The following LMOD1 variants were observed in gnomAD, a reference collection of about 807,000 sequenced individuals.
LMOD1 encodes the protein leiomodin-1.
Under a neutral mutation model 36.5 loss-of-function variants are expected in LMOD1, and 8 were observed. The ratio of observed to expected loss-of-function variants is 0.22; its 90% confidence interval spans 0.13 to 0.40. The LOEUF (loss-of-function observed/expected upper bound fraction) is 0.40, where lower values mean the gene tolerates loss of function less well. Ranked by LOEUF, LMOD1 falls within the 10% of genes least tolerant of loss-of-function variation. The pLI is 1.00. For synonymous variants in LMOD1, 284 were observed against 288.7 expected, an observed-to-expected ratio of 0.98 and a Z score of 0.17; for missense variants, 630 against 751.1, an observed-to-expected ratio of 0.84 and a Z score of 1.88.
At chr1:201,922,146 TATAA>T (rs1259263023) in intron 1 of LMOD1, among the ~76,000 whole-genome samples, 1 of 152,156 alleles carries the variant, frequency 6.6e-6, no homozygotes, top group Admixed American at 6.5e-5. Context: ...GCTGGTAAGA[TATAA>T]ATAGTGCAAC....
intron 1 of LMOD1, among the ~76,000 whole-genome samples, chr1:201,945,507 A>T (rs1682195456): frequency 6.6e-6 from 1 of 152,216 alleles, no homozygotes. Context: ...TCAGGTCTTT[A>T]AGCCACATTT....
At chr1:201,932,150 A>G (rs1226705728) in intron 1 of LMOD1, among the ~76,000 whole-genome samples, 1 of 152,212 alleles carries the variant, frequency 6.6e-6, no homozygotes, top group Non-Finnish European at 1.5e-5. Context: ...ATGAGAATTG[A>G]GGATAATGTT....
At chr1:201,909,587 G>A (rs978218309) in intron 1 of LMOD1, among the ~76,000 whole-genome samples, 8 of 150,380 alleles carry the variant, frequency 5.3e-5, no homozygotes, top group African/African-American at 1.9e-4. Context: ...ATCCCTGGTC[G>A]CCAGTCCACC....
chr1:201,912,079 G>A (rs1026254207), intron 1 of LMOD1, among the ~76,000 whole-genome samples: 14 of 152,210 alleles, frequency 9.2e-5, no homozygotes, highest in African/African-American at 3.4e-4. Context: ...ACAGAGCCAG[G>A]AGGTTGCACC....
intron 1 of LMOD1, among the ~76,000 whole-genome samples, chr1:201,904,803 A>C (rs1267382513): frequency 6.6e-6 from 1 of 152,218 alleles, no homozygotes; most frequent in Non-Finnish European, 1.5e-5. Context: ...TGAGCACTCA[A>C]ACGTTGCCTT....
At chr1:201,926,227 C>A (rs1681824119) in intron 1 of LMOD1, among the ~76,000 whole-genome samples, 1 of 152,140 alleles carries the variant, frequency 6.6e-6, no homozygotes, top group Non-Finnish European at 1.5e-5. Context: ...TTTCTCTGGG[C>A]TATGGAGTGT....
intron 1 of LMOD1, among the ~76,000 whole-genome samples, chr1:201,908,977 A>G (rs1681451544): frequency 6.6e-6 from 1 of 152,220 alleles, no homozygotes; most frequent in African/African-American, 2.4e-5. Flanking sequence ...TTGTGCTCTC[A>G]TTCCGCAGAA....
Position 201,901,514 on chromosome 1 carries a change from AT to A in LMOD1, c.262-764del, listed in dbSNP as rs1558234562. 1.2e-3 allele frequency among the ~76,000 whole-genome samples: 45 copies of A among 38,854 alleles called. 4 individuals carry two copies. The highest frequency in any genetic ancestry group is 4.1e-3 in the Admixed American group (13 of 3,152). The allele number at this position is 38,854 out of a possible 152,430, so 25.5% of individuals were successfully genotyped here. On this transcript the variant is annotated intron_variant, in intron 1 of 2. Coordinates refer to ENST00000367288, the MANE Select transcript of LMOD1 (RefSeq NM_012134.3). ...CGAAACTCTGTCTCAAAAAAAAAAT[AT>A]ATATATATATATATGTATATATATA...
intron 1 of LMOD1, among the ~76,000 whole-genome samples, chr1:201,932,123 G>T (rs1054693684): frequency 2.0e-5 from 3 of 152,172 alleles, no homozygotes; most frequent in Admixed American, 6.5e-5. Flanking sequence ...GTGATGGAAG[G>T]TTGGGGAGGA....
chr1:201,933,606 T>TATATATATATATATATATATAC (rs1396160218), intron 1 of LMOD1, among the ~76,000 whole-genome samples: 3 of 14,504 alleles, frequency 2.1e-4, no homozygotes, highest in African/African-American at 2.9e-4. Context: ...TATATATATA[T>TATATATATATATATATATATAC]ATATATATAT....
rs1379180890 is a variant in LMOD1 at position 201,924,699 on chromosome 1, A to G, written c.261+21381T>C. 2.4e-3 allele frequency among the ~76,000 whole-genome samples: 310 copies of G among 129,582 alleles called. 1 individual carries two copies. Among genetic ancestry groups the G allele is most frequent in the African/African-American group, 5.6e-3 (215 of 38,376 alleles). 85.0% of individuals were successfully genotyped at this position (129,582 alleles called of 152,430 possible). On this transcript the variant is annotated intron_variant, in intron 1 of 2. Coordinates refer to ENST00000367288, the MANE Select transcript of LMOD1 (RefSeq NM_012134.3). Reference sequence around the variant, plus strand: ...AAAGAAAGAAAGAAAGAAAGAAAGAAAGAAAGAAAGAAAGAAAGAAAGAAA... The same window carrying G: ...AAAGAAAGAAAGAAAGAAAGAAAGAGAGAAAGAAAGAAAGAAAGAAAGAAA...
chr1:201,905,395 G>A (rs905528927), intron 1 of LMOD1, among the ~76,000 whole-genome samples: 2 of 152,254 alleles, frequency 1.3e-5, no homozygotes, highest in Non-Finnish European at 2.9e-5. Flanking sequence ...GTTCAGATGG[G>A]CAGAGCACAG....
intron 1 of LMOD1, among the ~76,000 whole-genome samples, chr1:201,937,779 C>T (rs1189740369): frequency 6.6e-6 from 1 of 152,096 alleles, no homozygotes; most frequent in African/African-American, 2.4e-5. Flanking sequence ...AACAAACAAA[C>T]AAACATAGAC....
rs773149516 is a variant in LMOD1, at chr1:201,900,359, C to T, written c.654G>A (p.Glu218=). Reference sequence around the variant, plus strand: ...GCTCCCCTTTTACCTTCTCATCATCCTCTTTCTTGGCCACCTCCTTCATCT... The same window carrying T: ...GCTCCCCTTTTACCTTCTCATCATCTTCTTTCTTGGCCACCTCCTTCATCT... ...REEMKEVAKK[E]DDEKVKGERR... Residue 218 remains glutamate (E), a synonymous_variant, in exon 2 of 3, where the codon GAG becomes GAA. Transcript: ENST00000367288. 9 of 1,567,672 alleles carry T rather than the reference C, an allele frequency of 5.7e-6. No individual in the cohort carries two copies. The African/African-American group carries it at 1.2e-4, about 21-fold the overall frequency.
chr1:201,907,256 C>A (rs925595370), intron 1 of LMOD1, among the ~76,000 whole-genome samples: 5 of 152,214 alleles, frequency 3.3e-5, no homozygotes, highest in Non-Finnish European at 7.3e-5. Context: ...ACCTCTGAAC[C>A]TGTTGTCTCA....
chr1:201,910,274 A>ATTTT (rs4025032), intron 1 of LMOD1, among the ~76,000 whole-genome samples: 2 of 135,984 alleles, frequency 1.5e-5, no homozygotes, highest in African/African-American at 5.5e-5. Context: ...TCCTATACGC[A>ATTTT]TTTTTTTTTT....
intron 1 of LMOD1, among the ~76,000 whole-genome samples, chr1:201,912,839 G>A (rs192744811): frequency 6.2e-4 from 95 of 152,198 alleles, no homozygotes; most frequent in Middle Eastern, 3.4e-3. Flanking sequence ...CAGCCTAGAG[G>A]TGACAGTGTG....
At chr1:201,926,281 A>G (rs1337651746) in intron 1 of LMOD1, among the ~76,000 whole-genome samples, 1 of 152,132 alleles carries the variant, frequency 6.6e-6, no homozygotes, top group Non-Finnish European at 1.5e-5. Flanking sequence ...TCCAGTGCCC[A>G]GTGAGTCTTT....
At chr1:201,904,144 T>G in intron 1 of LMOD1, among the ~76,000 whole-genome samples, 1 of 152,174 alleles carries the variant, frequency 6.6e-6, no homozygotes, top group East Asian at 1.9e-4. Flanking sequence ...AGGACTCCCA[T>G]TCAGACCCTT....
Sources: gnomAD v4.1 joint callset for allele counts (sites outside exome capture counted in the v4.1 genomes callset) on GRCh38, gnomAD v4.1.1 for gene constraint, MANE v1.5 for transcripts, NCBI Gene and HGNC (gene_info 2026-07-23, HGNC 2026-07-21) for gene names.